The following ZNRF1 variants were observed in gnomAD, a reference collection of about 807,000 sequenced individuals.
ZNRF1 encodes the protein zinc and ring finger 1.
In ZNRF1, 3 loss-of-function variants were observed where a neutral mutation model predicts 18.4. The ratio of observed to expected loss-of-function variants is 0.16; its 90% CI spans 0.07 to 0.42. The LOEUF (loss-of-function observed/expected upper bound fraction) is 0.42, where lower values mean the gene tolerates loss of function less well. Ranked by LOEUF, ZNRF1 falls within the 10% of genes least tolerant of loss-of-function variation. The pLI is 0.99. For missense variants in ZNRF1, 310 were observed against 329.8 expected (o/e 0.94, Z 0.47); for synonymous variants, 157 against 144.2 (o/e 1.09, Z -0.64).
intron 1 of ZNRF1, among the ~76,000 whole-genome samples, chr16:75,071,623 C>T (rs2035871988): frequency 6.6e-6 from 1 of 152,092 alleles, no homozygotes; most frequent in Non-Finnish European, 1.5e-5. Context: ...CAGAACAGTC[C>T]CAGGCCCACA....
At chr16:75,060,438 A>G (rs1222707602) in intron 1 of ZNRF1, among the ~76,000 whole-genome samples, 3 of 147,026 alleles carry the variant, frequency 2.0e-5, no homozygotes, top group African/African-American at 5.0e-5. Flanking sequence ...CACAATGACC[A>G]TGAAATCCAC....
At chr16:75,102,124 G>T (rs2036261166) in intron 2 of ZNRF1, among the ~76,000 whole-genome samples, 1 of 152,172 alleles carries the variant, frequency 6.6e-6, no homozygotes. Context: ...CTTTTTCCTT[G>T]GGGTTCCTGG....
At chr16:75,041,132 A>G (rs147981831) in intron 1 of ZNRF1, among the ~76,000 whole-genome samples, 162 of 152,284 alleles carry the variant, frequency 1.1e-3, no homozygotes, top group African/African-American at 3.7e-3. Flanking sequence ...ATAAGATTCC[A>G]TATGAGAAGT....
chr16:75,054,091 T>C (rs904323769), intron 1 of ZNRF1, among the ~76,000 whole-genome samples: 14 of 152,236 alleles, frequency 9.2e-5, no homozygotes, highest in Non-Finnish European at 2.1e-4. Context: ...CCCAAGGCCC[T>C]AAGCAAGGAC....
At chr16:75,007,358 A>G (rs8045534) in intron 1 of ZNRF1, among the ~76,000 whole-genome samples, 4,693 of 152,226 alleles carry the variant, frequency 0.031, 214 homozygotes, top group African/African-American at 0.1. Context: ...CCAGACCCCA[A>G]ATTTAATCCT....
At position 74,999,863 on chromosome 16, in the gene ZNRF1, C is replaced by CG. The variant is rs1555508498; in HGVS notation, c.199dup (p.Val67GlyfsTer46). ...GCATGGGCATGGACCCCAGCACGGC[C>CG]GGGGGGGTGCCCTTTGGCCTCTACA... On this transcript the variant is annotated frameshift_variant, in exon 1 of 5. Transcript: ENST00000335325. LOFTEE classifies it high-confidence loss of function. 6 of 1,517,206 alleles carry CG rather than the reference C, an allele frequency of 4.0e-6. No individual in the cohort carries two copies. Among genetic ancestry groups the CG allele is most frequent in the Non-Finnish European group, 2.6e-6 (3 of 1,136,602 alleles). The allele number at this position is 1,517,206 out of a possible 1,614,324, so 94.0% of individuals were successfully genotyped here.
At chr16:75,014,187 C>A (rs1951712229) in intron 1 of ZNRF1, among the ~76,000 whole-genome samples, 2 of 152,110 alleles carry the variant, frequency 1.3e-5, no homozygotes, top group Admixed American at 1.3e-4. Flanking sequence ...ATAATATGCT[C>A]ACCTACCAAG....
intron 4 of ZNRF1, 34 bp from the exon 5 acceptor site, chr16:75,107,699 A>G (rs1051590129): frequency 8.8e-5 from 40 of 456,128 alleles, no homozygotes; most frequent in Non-Finnish European, 1.6e-4. Flanking sequence ...CCTCGGCCCG[A>G]TGGAGCACGA....
chr16:75,084,147 G>A (rs1305409502), intron 1 of ZNRF1, among the ~76,000 whole-genome samples: 3 of 152,164 alleles, frequency 2.0e-5, no homozygotes, highest in Admixed American at 1.3e-4. Context: ...AGTCCGCTTG[G>A]GTGTGTGCAC....
chr16:75,072,523 C>T (rs1180800736), intron 1 of ZNRF1, among the ~76,000 whole-genome samples: 1 of 152,176 alleles, frequency 6.6e-6, no homozygotes, highest in African/African-American at 2.4e-5. Context: ...GTTCAGTGTC[C>T]AGTCCAGTGC....
chr16:75,093,340 G>A (rs1467573358), intron 1 of ZNRF1, among the ~76,000 whole-genome samples: 7 of 151,216 alleles, frequency 4.6e-5, no homozygotes, highest in East Asian at 2.0e-4. Context: ...AACTGAGATC[G>A]TGCCACTGCA....
rs868828097 is a variant in ZNRF1 at position 75,029,564 on chromosome 16, C to G, written c.424+29469C>G. On this transcript the variant is annotated intron_variant, in intron 1 of 4. Transcript: ENST00000335325. ...GGCAGATCACTTGAGGTCAGGAGTT[C>G]AAGACCAGCCTGGCCAACATGGTGA... Among the ~76,000 whole-genome samples the G allele has an allele frequency of 1.9e-4, 29 of 151,822 alleles. No homozygotes were observed. In the Middle Eastern group the frequency reaches 0.01, roughly 53 times the overall value.
At chr16:75,012,593 A>G (rs1216141014) in intron 1 of ZNRF1, among the ~76,000 whole-genome samples, 1 of 152,230 alleles carries the variant, frequency 6.6e-6, no homozygotes, top group Non-Finnish European at 1.5e-5. Context: ...TCCTTGTGGC[A>G]TAGTGAAAAT....
intron 1 of ZNRF1, among the ~76,000 whole-genome samples, chr16:75,021,523 A>G (rs996967630): frequency 2.3e-4 from 35 of 152,040 alleles, no homozygotes; most frequent in African/African-American, 7.5e-4. Flanking sequence ...TTTTAGTGAG[A>G]GTCTATTGGT....
chr16:75,069,159 A>G (rs560427187), intron 1 of ZNRF1, among the ~76,000 whole-genome samples: 4 of 151,918 alleles, frequency 2.6e-5, no homozygotes, highest in East Asian at 1.9e-4. Context: ...CAGTGGCACT[A>G]TTGCCTTTTC....
intron 3 of ZNRF1, 115 bp downstream of exon 3, chr16:75,105,004 C>T: frequency 1.2e-6 from 1 of 856,082 alleles, no homozygotes; most frequent in South Asian, 1.6e-5. Context: ...CGACCTCTGG[C>T]TCCGAGCGGG....
intron 1 of ZNRF1, among the ~76,000 whole-genome samples, chr16:75,076,955 C>G (rs2035947037): frequency 6.6e-6 from 1 of 152,040 alleles, no homozygotes; most frequent in Non-Finnish European, 1.5e-5. Context: ...TCTTGGGCTT[C>G]TCAACCTCCA....
At chr16:75,030,897 G>C (rs1412031117) in intron 1 of ZNRF1, among the ~76,000 whole-genome samples, 4 of 136,254 alleles carry the variant, frequency 2.9e-5, no homozygotes, top group African/African-American at 1.1e-4. Flanking sequence ...CTGGAGTGCG[G>C]TGGCGTGATT....
intron 1 of ZNRF1, among the ~76,000 whole-genome samples, chr16:75,067,441 G>A (rs1037612365): frequency 3.9e-5 from 6 of 152,156 alleles, no homozygotes; most frequent in African/African-American, 1.4e-4. Context: ...GGAAAATACA[G>A]TCTGCTACAA....
Sources: gnomAD v4.1 joint callset for allele counts (sites outside exome capture counted in the v4.1 genomes callset) on GRCh38, gnomAD v4.1.1 for gene constraint, MANE v1.5 for transcripts, NCBI Gene and HGNC (gene_info 2026-07-23, HGNC 2026-07-21) for gene names.